Variants in RBFOX1 observed in about 807,000 individuals in gnomAD.
RBFOX1 encodes the protein RNA binding fox-1 homolog 1.
A neutral mutation model predicts 57.7 loss-of-function variants in RBFOX1; 8 were observed. That is an observed-to-expected ratio of 0.14 (90% confidence interval 0.08 to 0.25). RBFOX1 has a LOEUF of 0.25. Ranked by LOEUF, RBFOX1 falls within the 10% of genes least tolerant of loss-of-function variation. RBFOX1 has a pLI of 1.00. For missense variants in RBFOX1, 611 were observed against 548.5 expected, an observed-to-expected ratio of 1.11 and a Z score of -1.14; for synonymous variants, 326 against 222.4, an observed-to-expected ratio of 1.47 and a Z score of -4.15.
chr16:5,909,579 T>C (rs1004329543), intron 4 of RBFOX1, among the ~76,000 whole-genome samples: 1 of 152,102 alleles, frequency 6.6e-6, no homozygotes, highest in Non-Finnish European at 1.5e-5. Flanking sequence ...CCATGCAATC[T>C]CTCTTATCCT....
intron 3 of RBFOX1, among the ~76,000 whole-genome samples, chr16:6,758,001 G>C (rs1373554487): frequency 6.6e-6 from 1 of 152,072 alleles, no homozygotes; most frequent in Non-Finnish European, 1.5e-5. Context: ...GGCAGACCCT[G>C]TCCTCTATTA....
intron 3 of RBFOX1, among the ~76,000 whole-genome samples, chr16:5,794,148 A>T (rs1478256633): frequency 6.6e-6 from 1 of 152,140 alleles, no homozygotes; most frequent in Non-Finnish European, 1.5e-5. Flanking sequence ...CTTTTTCTTT[A>T]TCCGTAAAGT....
intron 4 of RBFOX1, among the ~76,000 whole-genome samples, chr16:7,092,984 T>A (rs528283506): frequency 6.6e-6 from 1 of 152,306 alleles, no homozygotes; most frequent in South Asian, 2.1e-4. Flanking sequence ...GTGCTGGAAA[T>A]TGCCTCTGGC....
intron 4 of RBFOX1, among the ~76,000 whole-genome samples, chr16:7,081,697 T>C (rs2059229560): frequency 2.0e-5 from 3 of 152,240 alleles, no homozygotes; most frequent in Non-Finnish European, 2.9e-5. Context: ...CTATATTTCA[T>C]AATTATTTAT....
chr16:7,596,158 T>G (rs977281157), intron 8 of RBFOX1, among the ~76,000 whole-genome samples: 1 of 52,816 alleles, frequency 1.9e-5, no homozygotes, highest in Non-Finnish European at 7.9e-5. Context: ...CGAGAGGTTT[T>G]TACTAAACCT....
At chr16:7,485,235 T>C (rs72773024) in intron 4 of RBFOX1, among the ~76,000 whole-genome samples, 15,937 of 152,242 alleles carry the variant, frequency 0.1, 886 homozygotes, top group Non-Finnish European at 0.12. Flanking sequence ...TAGTTCTGTT[T>C]ATGCATGCAC....
intron 9 of RBFOX1, among the ~76,000 whole-genome samples, chr16:7,602,808 A>G (rs1036774330): frequency 6.6e-6 from 1 of 152,202 alleles, no homozygotes; most frequent in African/African-American, 2.4e-5. Flanking sequence ...CACACGGAAC[A>G]TTGTCCAGGA....
At chr16:5,948,731 C>G (rs1044779416) in intron 4 of RBFOX1, among the ~76,000 whole-genome samples, 3 of 152,144 alleles carry the variant, frequency 2.0e-5, no homozygotes, top group African/African-American at 7.2e-5. Context: ...CCAACCCTAC[C>G]AGTGCTTTGA....
In RBFOX1 at chr16:6,845,477, A is replaced by G. The variant is rs575846362; in HGVS notation, c.-16+190827A>G. Among the ~76,000 whole-genome samples, 2 of 152,236 alleles carry G rather than the reference A, an allele frequency of 1.3e-5. 1 individual carries two copies. The highest frequency in any genetic ancestry group is 4.2e-4 in the South Asian group (2 of 4,806). The stretch of plus-strand genomic sequence containing the variant: ...CTTGTTTTTGTCAGGTTTGTCAAAG[A>G]TCAGATGGATGGGGGTGTGCAGTCT... On this transcript the variant is annotated intron_variant, in intron 3 of 15. Coordinates refer to ENST00000550418, the MANE Select transcript of RBFOX1 (RefSeq NM_018723.4).
At chr16:5,951,759 T>C (rs1285079641) in intron 4 of RBFOX1, among the ~76,000 whole-genome samples, 3 of 151,786 alleles carry the variant, frequency 2.0e-5, no homozygotes, top group African/African-American at 7.2e-5. Flanking sequence ...CGTTTGAGTA[T>C]CTTTAAAGGA....
chr16:6,147,074 C>G (rs571473787), intron 1 of RBFOX1, among the ~76,000 whole-genome samples: 1 of 152,252 alleles, frequency 6.6e-6, no homozygotes, highest in East Asian at 1.9e-4. Context: ...GAGACTCAGG[C>G]CCCAGCTTCC....
chr16:6,152,998 G>A (rs2096808958), intron 1 of RBFOX1, among the ~76,000 whole-genome samples: 1 of 150,288 alleles, frequency 6.7e-6, no homozygotes, highest in African/African-American at 2.5e-5. Context: ...TATGACTATT[G>A]GATATCTCTC....
intron 3 of RBFOX1, among the ~76,000 whole-genome samples, chr16:6,802,976 C>G (rs2085848384): frequency 6.6e-6 from 1 of 152,138 alleles, no homozygotes; most frequent in African/African-American, 2.4e-5. Context: ...TTTTTATTTT[C>G]TCCTTTTCTA....
intron 4 of RBFOX1, among the ~76,000 whole-genome samples, chr16:5,983,509 C>T (rs1022806471): frequency 1.4e-4 from 22 of 152,048 alleles, no homozygotes; most frequent in Admixed American, 7.2e-4. Flanking sequence ...GTGGGGTAGG[C>T]GGGGAAAAAC....
chr16:6,237,017 A>G (rs1197103221), intron 1 of RBFOX1, among the ~76,000 whole-genome samples: 1 of 152,210 alleles, frequency 6.6e-6, no homozygotes, highest in Non-Finnish European at 1.5e-5. Flanking sequence ...CCCTAGCATT[A>G]TAAATGCAAA....
At chr16:6,910,443 A>G (rs1357167483) in intron 3 of RBFOX1, among the ~76,000 whole-genome samples, 1 of 152,224 alleles carries the variant, frequency 6.6e-6, no homozygotes, top group Non-Finnish European at 1.5e-5. Context: ...ATGCTGGAGT[A>G]AAATCAAGGA....
At chr16:7,064,405 G>T (rs899502303) in intron 4 of RBFOX1, among the ~76,000 whole-genome samples, 2 of 152,112 alleles carry the variant, frequency 1.3e-5, no homozygotes, top group African/African-American at 4.8e-5. Flanking sequence ...CTGACCTCAG[G>T]TGAGCTGCCT....
chr16:5,300,623 C>A (rs1328487406), intron 1 of RBFOX1, among the ~76,000 whole-genome samples: 3 of 152,122 alleles, frequency 2.0e-5, no homozygotes, highest in Admixed American at 6.5e-5. Flanking sequence ...CCAGTGAAGA[C>A]ATCTGGGACT....
chr16:6,036,095 G>A (rs1427440393), intron 1 of RBFOX1, among the ~76,000 whole-genome samples: 1 of 152,184 alleles, frequency 6.6e-6, no homozygotes, highest in Non-Finnish European at 1.5e-5. Context: ...AAAGCCTGGT[G>A]GAGGCAGCCA....
Sources: allele counts gnomAD v4.1 joint callset (sites outside exome capture counted in the v4.1 genomes callset), GRCh38; gene constraint gnomAD v4.1.1; transcripts MANE v1.5; gene names NCBI Gene and HGNC (gene_info 2026-07-23, HGNC 2026-07-21).